The following CREB5 variants were observed in gnomAD, a reference collection of about 807,000 sequenced individuals.
The protein encoded by CREB5 is cAMP responsive element binding protein 5, also known as cyclic AMP-responsive element-binding protein 5.
In CREB5, 19 loss-of-function variants were observed where a neutral mutation model predicts 57.1. The ratio of observed to expected loss-of-function variants is 0.33; its 90% CI spans 0.23 to 0.49. The LOEUF is 0.49. Ranked by LOEUF, CREB5 falls within the 20% of genes least tolerant of loss-of-function variation. CREB5 has a pLI of 0.99. For synonymous variants in CREB5, 238 were observed against 238.3 expected, an observed-to-expected ratio of 1.00 and a Z score of 0.01; for missense variants, 579 against 671.6, an observed-to-expected ratio of 0.86 and a Z score of 1.52.
chr7:28,606,586 T>A (rs530476800), intron 5 of CREB5, among the ~76,000 whole-genome samples: 2 of 152,184 alleles, frequency 1.3e-5, no homozygotes, highest in Admixed American at 1.3e-4. Flanking sequence ...TCAGAACTGA[T>A]TCCTACTTAG....
intron 7 of CREB5, among the ~76,000 whole-genome samples, chr7:28,802,969 G>T (rs1808458109): frequency 6.6e-6 from 1 of 152,212 alleles, no homozygotes; most frequent in South Asian, 2.1e-4. Context: ...TTTATACATT[G>T]TCTGCAGCTG....
chr7:28,808,712 CTTTTTTTTTTTT>C (rs59374546), intron 8 of CREB5, among the ~76,000 whole-genome samples: 4 of 83,172 alleles, frequency 4.8e-5, no homozygotes, highest in African/African-American at 2.1e-4. Flanking sequence ...CCAATTTTTC[CTTTTTTTTTTTT>C]TTTTTTTTTT....
intron 7 of CREB5, among the ~76,000 whole-genome samples, chr7:28,777,847 GAAAAT>G (rs1806749861): frequency 6.6e-6 from 1 of 152,066 alleles, no homozygotes; most frequent in Non-Finnish European, 1.5e-5. Context: ...AAAGAAAAAA[GAAAAT>G]AAAAATAATA....
chr7:28,385,252 A>G (rs1017230453), intron 1 of CREB5, among the ~76,000 whole-genome samples: 1 of 152,174 alleles, frequency 6.6e-6, no homozygotes, highest in Admixed American at 6.6e-5. Context: ...TTGGGCTTTT[A>G]AGTCATATTT....
intron 7 of CREB5, among the ~76,000 whole-genome samples, chr7:28,792,449 G>A (rs527805762): frequency 3.3e-5 from 5 of 152,246 alleles, no homozygotes; most frequent in African/African-American, 1.2e-4. Context: ...CAATGTAGTT[G>A]AGAACCAGTA....
intron 1 of CREB5, among the ~76,000 whole-genome samples, chr7:28,351,489 C>A (rs1253541282): frequency 6.6e-6 from 1 of 152,196 alleles, no homozygotes; most frequent in Non-Finnish European, 1.5e-5. Flanking sequence ...TCTTTGATAA[C>A]TCTGAGATTT....
At chr7:28,347,837 A>G (rs998602677) in intron 1 of CREB5, among the ~76,000 whole-genome samples, 4 of 152,214 alleles carry the variant, frequency 2.6e-5, no homozygotes, top group African/African-American at 9.6e-5. Context: ...TCATAGTTGC[A>G]TCGACTCTGT....
rs56224961 is a variant in CREB5, at chr7:28,775,543, C to CATATAT, written c.703-28639_703-28634dup. On this transcript the variant is annotated intron_variant, in intron 7 of 10. Transcript: ENST00000357727. ...ATGCCATATTTATGTATTCCTTAGC[C>CATATAT]ATATATATATATATATATATATTAG... 7.7e-3 allele frequency among the ~76,000 whole-genome samples: 933 copies of CATATAT among 120,666 alleles called. 35 individuals are homozygous for CATATAT. The highest frequency in any genetic ancestry group is 7.8e-3 in the African/African-American group (241 of 30,718). The allele number at this position is 120,666 out of a possible 152,430, so 79.2% of individuals were successfully genotyped here.
chr7:28,701,284 G>C (rs1345528103), intron 5 of CREB5, among the ~76,000 whole-genome samples: 1 of 152,180 alleles, frequency 6.6e-6, no homozygotes, highest in Non-Finnish European at 1.5e-5. Flanking sequence ...TCTGCACCCT[G>C]AACCAGTGAT....
chr7:28,477,231 C>T (rs572236103), intron 1 of CREB5, among the ~76,000 whole-genome samples: 23 of 152,368 alleles, frequency 1.5e-4, no homozygotes, highest in African/African-American at 3.4e-4. Context: ...CCATCAAGGG[C>T]AGCCACAATT....
chr7:28,550,663 G>A (rs1351712261), intron 4 of CREB5, among the ~76,000 whole-genome samples: 1 of 152,156 alleles, frequency 6.6e-6, no homozygotes, highest in Non-Finnish European at 1.5e-5. Context: ...CCCCAGTCAG[G>A]TGGATATTGC....
chr7:28,473,932 C>T (rs538774221), intron 1 of CREB5, among the ~76,000 whole-genome samples: 247 of 152,278 alleles, frequency 1.6e-3, no homozygotes, highest in Non-Finnish European at 3.0e-3. Context: ...GGCTTTTGTG[C>T]ACTGTGGAAT....
chr7:28,536,130 T>C (rs1422433228), intron 4 of CREB5, among the ~76,000 whole-genome samples: 1 of 152,202 alleles, frequency 6.6e-6, no homozygotes, highest in African/African-American at 2.4e-5. Flanking sequence ...TGTCTGCCTA[T>C]GTCTGCTGAG....
intron 4 of CREB5, among the ~76,000 whole-genome samples, chr7:28,519,765 C>T (rs1793128549): frequency 6.6e-6 from 1 of 152,218 alleles, no homozygotes; most frequent in Admixed American, 6.5e-5. Flanking sequence ...GCAGGAAAAA[C>T]ATCTGTTAAT....
rs1039557292 is a variant in CREB5, at chr7:28,824,214, A to G, written c.*4935A>G. The G allele has an allele frequency of 2.0e-5, 3 of 152,558 alleles. No individual in the cohort carries two copies. Among genetic ancestry groups the G allele is most frequent in the South Asian group, 2.1e-4 (1 of 4,830 alleles). 9.5% of individuals were successfully genotyped at this position (152,558 alleles called of 1,614,324 possible). On this transcript the variant is annotated 3_prime_UTR_variant, in exon 11 of 11. Coordinates refer to ENST00000357727, the MANE Select transcript of CREB5 (RefSeq NM_182898.4). ...GAATGCCAAGGAGAAGAGCCAGTAC[A>G]CTATATGGTTTATACTCTTTATCCC...
intron 5 of CREB5, among the ~76,000 whole-genome samples, chr7:28,586,867 GT>G (rs1385523827): frequency 5.9e-5 from 9 of 152,216 alleles, no homozygotes; most frequent in Non-Finnish European, 1.2e-4. Flanking sequence ...CCACCCTTTG[GT>G]TTGGCATCAC....
At chr7:28,421,209 C>A (rs978594597) in intron 1 of CREB5, among the ~76,000 whole-genome samples, 1 of 152,152 alleles carries the variant, frequency 6.6e-6, no homozygotes, top group Non-Finnish European at 1.5e-5. Context: ...TACCCCATAG[C>A]ATAGCTTCCA....
chr7:28,611,957 A>G (rs1797408887), intron 5 of CREB5, among the ~76,000 whole-genome samples: 1 of 151,776 alleles, frequency 6.6e-6, no homozygotes, highest in Admixed American at 6.6e-5. Context: ...AAAGTAAGTA[A>G]TACTTTCTCA....
chr7:28,682,988 G>T (rs1332080554), intron 5 of CREB5, among the ~76,000 whole-genome samples: 1 of 152,200 alleles, frequency 6.6e-6, no homozygotes, highest in Non-Finnish European at 1.5e-5. Flanking sequence ...CAGCTGCGCG[G>T]TACCCACCAC....
Sources: gnomAD v4.1 joint callset for allele counts (sites outside exome capture counted in the v4.1 genomes callset) on GRCh38, gnomAD v4.1.1 for gene constraint, MANE v1.5 for transcripts, NCBI Gene and HGNC (gene_info 2026-07-23, HGNC 2026-07-21) for gene names.